The following ZNF804A variants were observed in gnomAD, a reference collection of about 807,000 sequenced individuals.
The protein encoded by ZNF804A is zinc finger protein 804A.
Under a neutral mutation model 16.5 loss-of-function variants are expected in ZNF804A, and 2 were observed. The ratio of observed to expected loss-of-function variants is 0.12; its 90% CI spans 0.05 to 0.38. The LOEUF is 0.38. ZNF804A is among the 10% of genes least tolerant of loss of function. The pLI, the probability that ZNF804A is intolerant of heterozygous loss-of-function variation, is 0.99. For missense variants in ZNF804A, 1,473 were observed against 1,390.7 expected (o/e 1.06, Z -0.94); for synonymous variants, 534 against 489.6 (o/e 1.09, Z -1.20).
rs533538826 is a variant in ZNF804A, at chr2:184,936,876, A to G, written c.1480A>G (p.Met494Val). 3 of 1,613,544 alleles carry G rather than the reference A, an allele frequency of 1.9e-6. No homozygotes were observed. The highest frequency in any genetic ancestry group is 2.7e-5 in the African/African-American group (2 of 75,028). Residue 494 changes from methionine to valine, a missense_variant, in exon 4 of 4, where the codon ATG (methionine) becomes GTG (valine). Physicochemically the swap from Met to Val is conservative, Grantham distance 21. Transcript: ENST00000302277. Reference sequence around the variant, plus strand: ...TCAGCAGAAGCAGGAAGACATTTGCATGGGACCACTTTCAGATTACAAGGA... The same window carrying G: ...TCAGCAGAAGCAGGAAGACATTTGCGTGGGACCACTTTCAGATTACAAGGA... ...CSQQKQEDIC[M>V]GPLSDYKDVS...
At chr2:184,765,113 G>T (rs1416000109) in intron 1 of ZNF804A, among the ~76,000 whole-genome samples, 1 of 152,034 alleles carries the variant, frequency 6.6e-6, no homozygotes, top group Non-Finnish European at 1.5e-5. Context: ...GTTTTTAATT[G>T]GTATATTCGT....
chr2:184,676,226 T>A (rs927507969), intron 1 of ZNF804A, among the ~76,000 whole-genome samples: 2 of 151,712 alleles, frequency 1.3e-5, no homozygotes, highest in African/African-American at 4.8e-5. Context: ...AAGTAAAGTT[T>A]ATTGTTATAT....
chr2:184,699,863 A>G (rs1315292323), intron 1 of ZNF804A, among the ~76,000 whole-genome samples: 1 of 152,006 alleles, frequency 6.6e-6, no homozygotes, highest in Admixed American at 6.6e-5. Flanking sequence ...GGAGTTGGAG[A>G]AACGGTAGGA....
Position 184,826,143 on chromosome 2 carries a change from C to G in ZNF804A, c.112-40226C>G, listed in dbSNP as rs1695165391. Among the ~76,000 whole-genome samples, 3 of 152,074 alleles carry G rather than the reference C, an allele frequency of 2.0e-5. 1 individual carries two copies. The highest frequency in any genetic ancestry group is 1.3e-4 in the Admixed American group (2 of 15,236). ...TTGTGGTCCACCCACCTCGGCCTCTCAAAGGGCTGGGATTACAAGCATGAG... is the reference window on the plus strand; with the variant it reads ...TTGTGGTCCACCCACCTCGGCCTCTGAAAGGGCTGGGATTACAAGCATGAG... On this transcript the variant is annotated intron_variant, in intron 1 of 3. Transcript: ENST00000302277.
intron 2 of ZNF804A, among the ~76,000 whole-genome samples, chr2:184,872,899 A>G (rs976123493): frequency 6.6e-5 from 10 of 152,194 alleles, no homozygotes; most frequent in Non-Finnish European, 1.5e-4. Flanking sequence ...GTATAGACAG[A>G]TTGATGAATG....
chr2:184,636,549 C>CTGTGTGTGTG (rs71011052), intron 1 of ZNF804A, among the ~76,000 whole-genome samples: 13 of 138,624 alleles, frequency 9.4e-5, no homozygotes, highest in East Asian at 9.3e-4. Flanking sequence ...GGCTCTAGGG[C>CTGTGTGTGTG]TGTGTGTGTG....
intron 1 of ZNF804A, among the ~76,000 whole-genome samples, chr2:184,716,394 C>T (rs1693214344): frequency 6.6e-6 from 1 of 151,690 alleles, no homozygotes; most frequent in Non-Finnish European, 1.5e-5. Context: ...TATGAATAAT[C>T]AATGCAATAT....
At chr2:184,643,786 T>C (rs1691832868) in intron 1 of ZNF804A, among the ~76,000 whole-genome samples, 1 of 151,286 alleles carries the variant, frequency 6.6e-6, no homozygotes, top group Non-Finnish European at 1.5e-5. Context: ...AAAATGTGGA[T>C]ATGTGTATAT....
rs34114485 is a variant in ZNF804A, at chr2:184,864,875, A to ATTTTTTTTTTTT, written c.112-1482_112-1471dup. On this transcript the variant is annotated intron_variant, in intron 1 of 3. Coordinates refer to ENST00000302277, the MANE Select transcript of ZNF804A (RefSeq NM_194250.2). Reference sequence around the variant, plus strand: ...TAAGAGACTTGAATATATAGTTAGGATTTTTTTTTTTTTTTTTTTTTTTGA... The same window carrying ATTTTTTTTTTTT: ...TAAGAGACTTGAATATATAGTTAGGATTTTTTTTTTTTTTTTTTTTTTTTTTTTTTTTTTTGA... Among the ~76,000 whole-genome samples the ATTTTTTTTTTTT allele has an allele frequency of 3.2e-3, 339 of 105,438 alleles. 24 individuals are homozygous for ATTTTTTTTTTTT. The highest frequency in any genetic ancestry group is 0.014 in the African/African-American group (310 of 22,100). 69.2% of individuals were successfully genotyped at this position (105,438 alleles called of 152,430 possible).
intron 1 of ZNF804A, among the ~76,000 whole-genome samples, chr2:184,732,088 G>C (rs1417021659): frequency 2.0e-5 from 3 of 151,914 alleles, no homozygotes; most frequent in Non-Finnish European, 4.4e-5. Context: ...TTTCCTTTGT[G>C]GATGTTTTAT....
rs577183747 is a variant in ZNF804A, at chr2:184,895,239, A to T, written c.255+28727A>T. Among the ~76,000 whole-genome samples, 35 of 148,908 alleles carry T rather than the reference A, an allele frequency of 2.4e-4. No homozygotes were observed. The East Asian group carries it at 2.8e-3, about 12-fold the overall frequency. On this transcript the variant is annotated intron_variant, in intron 2 of 3. Coordinates refer to ENST00000302277, the MANE Select transcript of ZNF804A (RefSeq NM_194250.2). Reference sequence around the variant, plus strand: ...GGGTGGGTGGGGGTGTGTGTGTGTGAGAGAGAGAGAGAGAGAAAATAATGT... The same window carrying T: ...GGGTGGGTGGGGGTGTGTGTGTGTGTGAGAGAGAGAGAGAGAAAATAATGT...
chr2:184,625,279 G>A (rs1252658676), intron 1 of ZNF804A, among the ~76,000 whole-genome samples: 1 of 151,980 alleles, frequency 6.6e-6, no homozygotes, highest in African/African-American at 2.4e-5. Context: ...TTATAAAATA[G>A]CCATCAGTTT....
Position 184,610,208 on chromosome 2 carries a change from T to C in ZNF804A, c.111+11138T>C, listed in dbSNP as rs183888746. On this transcript the variant is annotated intron_variant, in intron 1 of 3. Coordinates refer to ENST00000302277, the MANE Select transcript of ZNF804A (RefSeq NM_194250.2). ...AGAGTCCCCGCCAGTAAGAAGCTTG[T>C]CACCAGATGCAGTCCAAACCCTTTA... is the stretch of plus-strand genomic sequence containing the variant. 3.5e-3 allele frequency among the ~76,000 whole-genome samples: 538 copies of C among 152,332 alleles called. 9 individuals carry two copies. The highest frequency in any genetic ancestry group is 0.029 in the Admixed American group (445 of 15,304).
chr2:184,693,249 C>A (rs1204183149), intron 1 of ZNF804A, among the ~76,000 whole-genome samples: 1 of 151,900 alleles, frequency 6.6e-6, no homozygotes, highest in African/African-American at 2.4e-5. Context: ...ATAAGGTATT[C>A]TCAATTATCT....
chr2:184,884,310 A>T (rs1684854257), intron 2 of ZNF804A, among the ~76,000 whole-genome samples: 1 of 152,190 alleles, frequency 6.6e-6, no homozygotes, highest in Non-Finnish European at 1.5e-5. Context: ...AGATGACACA[A>T]ATGGAAAAAT....
At chr2:184,818,412 T>C (rs1695017450) in intron 1 of ZNF804A, among the ~76,000 whole-genome samples, 1 of 151,708 alleles carries the variant, frequency 6.6e-6, no homozygotes, top group Admixed American at 6.6e-5. Context: ...AAGGAAGCAC[T>C]AAATATGGAA....
Position 184,937,791 on chromosome 2 carries a change from C to T in ZNF804A, c.2395C>T (p.Pro799Ser), listed in dbSNP as rs1274360481. The change falls in exon 4 of 4, where the codon CCA becomes TCA. Residue 799 changes from proline to serine, a missense_variant. Pro to Ser is a moderately conservative substitution (Grantham distance 74). Transcript: ENST00000302277. ...NHLPEEFLRP[P>S]STSVAPCKPK... ...TTTACCAGAAGAATTTTTGAGGCCA[C>T]CAAGTACTTCAGTTGCTCCCTGCAA... 6.2e-7 allele frequency: 1 copy of T among 1,613,992 alleles called. No homozygotes were observed. Among genetic ancestry groups the T allele is most frequent in the Non-Finnish European group, 8.5e-7 (1 of 1,179,958 alleles).
At chr2:184,805,026 C>T (rs1345343803) in intron 1 of ZNF804A, among the ~76,000 whole-genome samples, 1 of 152,132 alleles carries the variant, frequency 6.6e-6, no homozygotes, top group East Asian at 1.9e-4. Flanking sequence ...CTAACATGTT[C>T]CCACATAAGG....
chr2:184,661,900 A>T (rs1342661616), intron 1 of ZNF804A, among the ~76,000 whole-genome samples: 1 of 152,234 alleles, frequency 6.6e-6, no homozygotes, highest in Non-Finnish European at 1.5e-5. Flanking sequence ...CCTTTCCAGT[A>T]TATAATTTGG....
Sources: gnomAD v4.1 joint callset for allele counts (sites outside exome capture counted in the v4.1 genomes callset) on GRCh38, gnomAD v4.1.1 for gene constraint, MANE v1.5 for transcripts, NCBI Gene and HGNC (gene_info 2026-07-23, HGNC 2026-07-21) for gene names.